Variants in ZMYM1 observed in about 807,000 individuals in gnomAD.
The protein encoded by ZMYM1 is zinc finger MYM-type protein 1.
ZMYM1 carries 39 observed loss-of-function variants against 60.0 expected under a neutral mutation model. The ratio of observed to expected loss-of-function variants is 0.65; its 90% CI spans 0.50 to 0.85. The LOEUF (loss-of-function observed/expected upper bound fraction) is 0.85, where lower values mean the gene tolerates loss of function less well. Among genes scored for constraint, ZMYM1 ranks in the 40% least tolerant of loss-of-function variants. The pLI is 0.00. For missense variants in ZMYM1, 1,171 were observed against 1,309.5 expected, an observed-to-expected ratio of 0.89 and a Z score of 1.63; for synonymous variants, 413 against 454.0, an observed-to-expected ratio of 0.91 and a Z score of 1.15.
Position 35,111,795 on chromosome 1 carries a change from G to A in ZMYM1, c.985G>A (p.Asp329Asn), listed in dbSNP as rs747573338. Residue 329 changes from aspartate to asparagine, a missense_variant, in exon 8 of 10, where the codon GAT becomes AAT. Asp to Asn is a conservative substitution (Grantham distance 23). Transcript: ENST00000359858. Reference sequence around the variant, plus strand: ...AGTAAGTGTTGTTTCTGTGGTGCATGATACTTCAACAGAGCTTCTTTCTCC... The same window carrying A: ...AGTAAGTGTTGTTTCTGTGGTGCATAATACTTCAACAGAGCTTCTTTCTCC... ...SSVSVVSVVH[D>N]TSTELLSPKK... The A allele has an allele frequency of 1.2e-6, 2 of 1,602,116 alleles. No homozygotes were observed. The highest frequency in any genetic ancestry group is 2.3e-5 in the South Asian group (2 of 88,850).
intron 1 of ZMYM1, among the ~76,000 whole-genome samples, chr1:35,079,893 C>G (rs892556647): frequency 6.6e-6 from 1 of 152,212 alleles, no homozygotes; most frequent in Non-Finnish European, 1.5e-5. Context: ...GGGCGGATCT[C>G]TTGAGGTCAG....
At chr1:35,085,001 AAAG>A (rs1401923435) in intron 1 of ZMYM1, among the ~76,000 whole-genome samples, 2 of 151,984 alleles carry the variant, frequency 1.3e-5, no homozygotes, top group Non-Finnish European at 2.9e-5. Context: ...TTAGTATGCT[AAAG>A]GCTACTCTGT....
intron 1 of ZMYM1, among the ~76,000 whole-genome samples, chr1:35,090,997 A>G (rs1013363899): frequency 7.9e-5 from 12 of 152,138 alleles, no homozygotes; most frequent in African/African-American, 2.9e-4. Flanking sequence ...TTTCATAATT[A>G]GATTTAGGGA....
At chr1:35,089,968 G>A (rs1418784174) in intron 1 of ZMYM1, among the ~76,000 whole-genome samples, 6 of 149,794 alleles carry the variant, frequency 4.0e-5, no homozygotes, top group Admixed American at 1.3e-4. Flanking sequence ...GTAGTGGCGC[G>A]ATCTCGGCTC....
chr1:35,083,159 C>T (rs1454908740), intron 1 of ZMYM1, among the ~76,000 whole-genome samples: 3 of 143,176 alleles, frequency 2.1e-5, no homozygotes, highest in Non-Finnish European at 3.1e-5. Context: ...TGTTTCTTTT[C>T]TTTTTTTTTT....
At chr1:35,109,468 C>A (rs373991384) in intron 6 of ZMYM1, among the ~76,000 whole-genome samples, 2 of 152,194 alleles carry the variant, frequency 1.3e-5, no homozygotes, top group Non-Finnish European at 2.9e-5. Context: ...ACTGAACTCA[C>A]AGTACTCTAT....
chr1:35,079,773 C>G (rs1371553394), intron 1 of ZMYM1, among the ~76,000 whole-genome samples: 1 of 152,190 alleles, frequency 6.6e-6, no homozygotes, highest in Non-Finnish European at 1.5e-5. Flanking sequence ...TTCAGAAGCC[C>G]CATCACACCT....
rs577403047 is a variant in ZMYM1 at position 35,113,446 on chromosome 1, A to G, written c.1616A>G (p.Asp539Gly). ...TTTTGTGATGGAGCTGTCAGTGACG[A>G]TTTATCTATTCATTCGAAACAGATT... is the stretch of plus-strand genomic sequence containing the variant. ...YQFCDGAVSD[D>G]LSIHSKQIEG... The change falls in exon 10 of 10, where the codon GAT (aspartate) becomes GGT (glycine). Residue 539 changes from aspartate (D) to glycine (G), a missense_variant. Transcript: ENST00000359858. 1 of 1,613,738 alleles carries G rather than the reference A, an allele frequency of 6.2e-7. No individual in the cohort carries two copies. The highest frequency in any genetic ancestry group is 8.5e-7 in the Non-Finnish European group (1 of 1,179,892).
downstream of ZMYM1, among the ~76,000 whole-genome samples, chr1:35,118,342 TTCCTC>T (rs1366892132): frequency 1.3e-5 from 2 of 152,220 alleles, no homozygotes; most frequent in Non-Finnish European, 2.9e-5. Context: ...GCTATGAACT[TTCCTC>T]TAAAGTCAGC....
intron 1 of ZMYM1, among the ~76,000 whole-genome samples, chr1:35,088,454 ATGTGTGTGTGTGTGTGTGTGTG>A (rs764350525): frequency 8.4e-5 from 9 of 107,250 alleles, no homozygotes; most frequent in African/African-American, 3.4e-4. Context: ...ATATATATAT[ATGTGTGTGTGTGTGTGTGTGTG>A]TGTGTGTGTG....
At chr1:35,095,695 T>C in intron 2 of ZMYM1, 124 bp from the exon 3 acceptor site, 1 of 762,594 alleles carries the variant, frequency 1.3e-6, no homozygotes, top group Non-Finnish European at 2.1e-6. Context: ...GTATTTTGGT[T>C]CAATTCAGTT....
At chr1:35,112,044 G>C in intron 8 of ZMYM1, 43 bp from the exon 9 acceptor site, 1 of 1,598,664 alleles carries the variant, frequency 6.3e-7, no homozygotes, top group Non-Finnish European at 8.5e-7. Context: ...TATTTTATAG[G>C]TTATAGTATA....
intron 2 of ZMYM1, 98 bp from the exon 3 acceptor site, chr1:35,095,721 C>A: frequency 9.8e-7 from 1 of 1,019,906 alleles, no homozygotes; most frequent in Non-Finnish European, 1.4e-6. Context: ...ATTCATTGAC[C>A]AGACTTGACC....
intron 1 of ZMYM1, among the ~76,000 whole-genome samples, chr1:35,090,404 G>C (rs557631970): frequency 6.6e-6 from 1 of 152,172 alleles, no homozygotes; most frequent in Non-Finnish European, 1.5e-5. Flanking sequence ...ACCTTGCTGG[G>C]AGGGATAGCA....
intron 1 of ZMYM1, among the ~76,000 whole-genome samples, chr1:35,086,958 C>CA (rs1484622735): frequency 6.8e-6 from 1 of 145,996 alleles, no homozygotes; most frequent in Non-Finnish European, 1.5e-5. Flanking sequence ...GCTGGGATTA[C>CA]AGGCATGAGC....
intron 1 of ZMYM1, among the ~76,000 whole-genome samples, chr1:35,086,028 AAAGT>A (rs1557646194): frequency 6.6e-6 from 1 of 152,230 alleles, no homozygotes; most frequent in Admixed American, 6.5e-5. Flanking sequence ...TTCAGGACTG[AAAGT>A]AAGCAAATTT....
chr1:35,111,849 A>G lies in ZMYM1; in HGVS notation c.1039A>G (p.Asn347Asp), dbSNP rs772549141. 1 of 1,609,456 alleles carries G rather than the reference A, an allele frequency of 6.2e-7. No homozygotes were observed. The highest frequency in any genetic ancestry group is 1.7e-4 in the Middle Eastern group (1 of 6,050). The change falls in exon 8 of 10, where the codon AAT becomes GAT. Residue 347 changes from asparagine to aspartate, a missense_variant. By Grantham distance (23) the Asn-to-Asp change is conservative. Coordinates refer to ENST00000359858, the MANE Select transcript of ZMYM1 (RefSeq NM_024772.5). The stretch of plus-strand genomic sequence containing the variant: ...GAAAGATACGACTCCAGTTATAAGC[A>G]ATATAGTGTCATTGGCAGACACCGA... ...PKKDTTPVIS[N>D]IVSLADTDVA...
upstream of ZMYM1, among the ~76,000 whole-genome samples, chr1:35,077,474 G>A (rs1029900913): frequency 5.3e-5 from 8 of 152,128 alleles, no homozygotes; most frequent in African/African-American, 1.9e-4. Flanking sequence ...TAACAAATTA[G>A]CCACAAGATT....
At chr1:35,061,590 C>T (rs1226496391) in intron 1 of ZMYM1, among the ~76,000 whole-genome samples, 2 of 151,752 alleles carry the variant, frequency 1.3e-5, no homozygotes. Flanking sequence ...TCCTGGCTAA[C>T]ATGGTGAAAC....
Sources: gnomAD v4.1 joint callset for allele counts (sites outside exome capture counted in the v4.1 genomes callset) on GRCh38, gnomAD v4.1.1 for gene constraint, MANE v1.5 for transcripts, NCBI Gene and HGNC (gene_info 2026-07-23, HGNC 2026-07-21) for gene names.